Variants in ZCCHC4 observed in about 807,000 individuals in gnomAD.
The protein encoded by ZCCHC4 is rRNA N(6)-adenosine-methyltransferase ZCCHC4.
In ZCCHC4, 54 loss-of-function variants were observed where a neutral mutation model predicts 67.7. The observed-to-expected ratio is 0.80, with a 90% confidence interval of 0.64 to 1.00. ZCCHC4 has a LOEUF of 1.00. ZCCHC4 is among the 50% of genes least tolerant of loss of function. ZCCHC4 has a pLI of 0.00. For missense variants in ZCCHC4, 609 were observed against 617.0 expected, an observed-to-expected ratio of 0.99 and a Z score of 0.14; for synonymous variants, 198 against 213.5, an observed-to-expected ratio of 0.93 and a Z score of 0.63.
rs1378167774 is a variant in ZCCHC4 at position 25,349,661 on chromosome 4, C to T, written c.910+19C>T. ...AGCCAAGGTGTATAATTTATTACTG[C>T]AAAATAAATACATATCTATATATCT... is the stretch of plus-strand genomic sequence containing the variant. On this transcript the variant is annotated intron_variant, in intron 7 of 12. Coordinates refer to ENST00000302874, the MANE Select transcript of ZCCHC4 (RefSeq NM_024936.3). 5 of 1,607,752 alleles carry T rather than the reference C, an allele frequency of 3.1e-6. No homozygotes were observed. Among genetic ancestry groups the T allele is most frequent in the Non-Finnish European group, 3.4e-6 (4 of 1,175,644 alleles).
intron 5 of ZCCHC4, among the ~76,000 whole-genome samples, chr4:25,339,481 C>A (rs766393524): frequency 6.6e-6 from 1 of 152,118 alleles, no homozygotes; most frequent in Non-Finnish European, 1.5e-5. Context: ...GTGGTATCTC[C>A]TTGAGGTTTT....
At chr4:25,341,955 TA>T (rs1277926325) in intron 5 of ZCCHC4, among the ~76,000 whole-genome samples, 1 of 152,222 alleles carries the variant, frequency 6.6e-6, no homozygotes, top group Non-Finnish European at 1.5e-5. Context: ...GAGTAGGGGT[TA>T]GGGGATGTGG....
intron 8 of ZCCHC4, among the ~76,000 whole-genome samples, chr4:25,352,709 C>G (rs1223378843): frequency 1.3e-5 from 2 of 152,194 alleles, no homozygotes; most frequent in African/African-American, 4.8e-5. Context: ...GCCATTGCAC[C>G]CAGCCTGCTT....
intron 3 of ZCCHC4, among the ~76,000 whole-genome samples, chr4:25,323,772 A>G (rs1233852886): frequency 6.6e-6 from 1 of 152,124 alleles, no homozygotes; most frequent in Non-Finnish European, 1.5e-5. Context: ...CATAAATTGC[A>G]CATATTTAAA....
chr4:25,318,349 C>CTCT (rs1718389748), intron 3 of ZCCHC4, among the ~76,000 whole-genome samples: 1 of 45,518 alleles, frequency 2.2e-5, no homozygotes, highest in Admixed American at 4.1e-4. Context: ...CACTCTCTCT[C>CTCT]TTTTTTTTTT....
chr4:25,365,410 T>A lies in ZCCHC4; in HGVS notation c.1406+244T>A, dbSNP rs1413643343. 7 of 1,271,928 alleles carry A rather than the reference T, an allele frequency of 5.5e-6. No individual in the cohort carries two copies. In the African/African-American group the frequency reaches 1.1e-4, roughly 19 times the overall value. The allele number at this position is 1,271,928 out of a possible 1,614,324, so 78.8% of individuals were successfully genotyped here. ...AACCAAAATATGAGGTAGAAAGTGG[T>A]TAATTTTACCTCTCCTTGGCTTTAC... On this transcript the variant is annotated intron_variant, in intron 12 of 12. Coordinates refer to ENST00000302874, the MANE Select transcript of ZCCHC4 (RefSeq NM_024936.3).
intron 12 of ZCCHC4, among the ~76,000 whole-genome samples, chr4:25,368,598 T>C (rs1352596147): frequency 2.0e-5 from 3 of 152,202 alleles, no homozygotes; most frequent in African/African-American, 7.2e-5. Flanking sequence ...TTTTTTCCAT[T>C]GTGCTGTTTC....
At chr4:25,366,753 A>G (rs1408218352) in intron 12 of ZCCHC4, among the ~76,000 whole-genome samples, 1 of 152,210 alleles carries the variant, frequency 6.6e-6, no homozygotes, top group Admixed American at 6.5e-5. Context: ...TCAGCCTTTA[A>G]TTCTGTGAAC....
intron 3 of ZCCHC4, among the ~76,000 whole-genome samples, chr4:25,325,355 T>C (rs6825420): frequency 0.61 from 86,257 of 141,766 alleles, 27,090 homozygotes; most frequent in Non-Finnish European, 0.67. Flanking sequence ...GCAACCTCTG[T>C]CTCCTGAGTT....
intron 6 of ZCCHC4, among the ~76,000 whole-genome samples, chr4:25,346,626 AG>A (rs2109078710): frequency 6.6e-6 from 1 of 152,334 alleles, no homozygotes; most frequent in Non-Finnish European, 1.5e-5. Context: ...CCCCTGATTT[AG>A]TAAGTATAGC....
In ZCCHC4 at chr4:25,312,806, G is replaced by T; in HGVS notation, c.-4G>T. 6.2e-7 allele frequency: 1 copy of T among 1,613,192 alleles called. No individual in the cohort carries two copies. On this transcript the variant is annotated 5_prime_UTR_variant, in exon 1 of 13. Coordinates refer to ENST00000302874, the MANE Select transcript of ZCCHC4 (RefSeq NM_024936.3). ...ACTGAGGCTTTCGGGACGGCGGCGGGAAGATGGCGGCCTCCAGGAATGGGT... is the reference window on the plus strand; with the variant it reads ...ACTGAGGCTTTCGGGACGGCGGCGGTAAGATGGCGGCCTCCAGGAATGGGT...
intron 8 of ZCCHC4, among the ~76,000 whole-genome samples, chr4:25,356,362 G>T (rs1720517819): frequency 6.6e-6 from 1 of 152,080 alleles, no homozygotes; most frequent in Admixed American, 6.6e-5. Flanking sequence ...ATGAAATATG[G>T]ATATATGTTA....
chr4:25,332,877 G>T (rs1183909307), intron 3 of ZCCHC4, among the ~76,000 whole-genome samples: 1 of 152,160 alleles, frequency 6.6e-6, no homozygotes, highest in Non-Finnish European at 1.5e-5. Flanking sequence ...GATAGTAGTT[G>T]TCATTACTAC....
intron 12 of ZCCHC4, chr4:25,365,859 A>G (rs1720920162): frequency 1.0e-6 from 1 of 985,228 alleles, no homozygotes; most frequent in Non-Finnish European, 1.2e-6. Context: ...TAACCGAGCT[A>G]ATTTGAATGA....
intron 5 of ZCCHC4, among the ~76,000 whole-genome samples, chr4:25,337,646 T>G (rs1427194279): frequency 2.6e-5 from 4 of 152,268 alleles, no homozygotes; most frequent in African/African-American, 9.6e-5. Flanking sequence ...AGAGTAGGGA[T>G]GTAGGTGCTG....
chr4:25,332,749 T>A (rs1445732526), intron 3 of ZCCHC4, among the ~76,000 whole-genome samples: 2 of 152,242 alleles, frequency 1.3e-5, no homozygotes, highest in Non-Finnish European at 2.9e-5. Context: ...TCTTGCTAAG[T>A]ATGTCATAAG....
chr4:25,333,452 C>G lies in ZCCHC4; in HGVS notation c.599C>G (p.Thr200Arg). 1.2e-6 allele frequency: 2 copies of G among 1,613,828 alleles called. No individual in the cohort carries two copies. The highest frequency in any genetic ancestry group is 2.2e-5 in the East Asian group (1 of 44,870). Residue 200 changes from threonine (T) to arginine (R), a missense_variant, in exon 4 of 13, where the codon ACA becomes AGA. Physicochemically the swap from Thr to Arg is moderately conservative, Grantham distance 71. Transcript: ENST00000302874. ...TTCAGAAGAGTACTGTGTGTTGGAA[C>G]ACCAAGGTATGTCATGTGATTTTTT... ...LGFRRVLCVG[T>R]PRLHELIKLT... is the part of the protein sequence containing the mutation.
At chr4:25,324,920 G>A (rs1718783471) in intron 3 of ZCCHC4, among the ~76,000 whole-genome samples, 1 of 152,112 alleles carries the variant, frequency 6.6e-6, no homozygotes, top group Non-Finnish European at 1.5e-5. Context: ...TATACATTGT[G>A]GATACAATTC....
At position 25,359,498 on chromosome 4, in the gene ZCCHC4, C is replaced by T. The variant is rs986467257; in HGVS notation, c.1012-2361C>T. Among the ~76,000 whole-genome samples the T allele has an allele frequency of 6.6e-6, 1 of 152,162 alleles. No individual in the cohort carries two copies. Among genetic ancestry groups the T allele is most frequent in the Non-Finnish European group, 1.5e-5 (1 of 68,032 alleles). On this transcript the variant is annotated intron_variant, in intron 8 of 12. Transcript: ENST00000302874. This position sits in a 1 kb window ranked among gnomAD's most constrained non-coding sequence, Gnocchi z 4.9. ...GGTCTGTTGTCTTGGCCAGAGACCG[C>T]CACCTGGTCTGATACCAAGGAGGCT...
Sources: allele counts gnomAD v4.1 joint callset (sites outside exome capture counted in the v4.1 genomes callset), GRCh38; gene constraint gnomAD v4.1.1; non-coding constraint Gnocchi (gnomAD v3.1); transcripts MANE v1.5; gene names NCBI Gene and HGNC (gene_info 2026-07-23, HGNC 2026-07-21).